The following XIRP2 variants were observed in gnomAD, a reference collection of about 807,000 sequenced individuals.
The protein encoded by XIRP2 is xin actin-binding repeat-containing protein 2.
A neutral mutation model predicts 277.0 loss-of-function variants in XIRP2; 236 were observed. The ratio of observed to expected loss-of-function variants is 0.85; its 90% CI spans 0.77 to 0.95. XIRP2 has a LOEUF of 0.95. Among genes scored for constraint, XIRP2 ranks in the 40% least tolerant of loss-of-function variants. XIRP2 has a pLI of 0.00. For synonymous variants in XIRP2, 1,490 were observed against 1,416.5 expected, an observed-to-expected ratio of 1.05 and a Z score of -1.17; for missense variants, 4,640 against 4,157.5, an observed-to-expected ratio of 1.12 and a Z score of -3.19.
At chr2:166,927,800 G>A (rs983368091) in intron 2 of XIRP2, among the ~76,000 whole-genome samples, 6 of 152,182 alleles carry the variant, frequency 3.9e-5, no homozygotes, top group Non-Finnish European at 7.4e-5. Flanking sequence ...TGTGTGTGTG[G>A]GGGGATGGAG....
At chr2:167,148,147 C>G (rs751895551) in intron 3 of XIRP2, among the ~76,000 whole-genome samples, 1 of 151,954 alleles carries the variant, frequency 6.6e-6, no homozygotes, top group Middle Eastern at 3.4e-3. Context: ...TTTGGGAGGT[C>G]GAGGCAGGTG....
Position 167,258,817 on chromosome 2 carries a change from A to G in XIRP2, c.*1000A>G. On this transcript the variant is annotated 3_prime_UTR_variant, in exon 11 of 11. Transcript: ENST00000409195. The stretch of plus-strand genomic sequence containing the variant: ...TTGAGAAGTTAGAAAATACATCTAG[A>G]ATCTCAGAGTTACTTGGTATATTTG... The G allele has an allele frequency of 6.2e-7, 1 of 1,613,178 alleles. No homozygotes were observed. Among genetic ancestry groups the G allele is most frequent in the Non-Finnish European group, 8.5e-7 (1 of 1,179,584 alleles).
At chr2:167,225,849 C>CT (rs1169968602) in intron 5 of XIRP2, among the ~76,000 whole-genome samples, 1 of 152,138 alleles carries the variant, frequency 6.6e-6, no homozygotes, top group Non-Finnish European at 1.5e-5. Flanking sequence ...CTCTACAGCT[C>CT]TTTCTTGGTG....
chr2:167,129,620 C>T (rs546698973), intron 2 of XIRP2, among the ~76,000 whole-genome samples: 65 of 151,962 alleles, frequency 4.3e-4, no homozygotes, highest in Non-Finnish European at 7.4e-4. Context: ...CCTGTAATCC[C>T]AGCACTTTGG....
At chr2:166,905,285 A>G (rs1339403691) in intron 2 of XIRP2, among the ~76,000 whole-genome samples, 1 of 151,974 alleles carries the variant, frequency 6.6e-6, no homozygotes, top group Non-Finnish European at 1.5e-5. Context: ...CTTTACTGTA[A>G]TAATTTTGAA....
In XIRP2 at chr2:167,245,503, A is replaced by G. The variant is rs745340045; in HGVS notation, c.4111A>G (p.Ile1371Val). ...TAATAAATCAGAAACTGTGTATGTT[A>G]TTAAATCTGTCACACAAGAAGACAT... ...SINKSETVYV[I>V]KSVTQEDIQK... is the part of the protein sequence containing the mutation. Residue 1371 changes from isoleucine to valine, a missense_variant, in exon 9 of 11, where the codon ATT becomes GTT. By Grantham distance (29) the Ile-to-Val change is conservative. Coordinates refer to ENST00000409195, the MANE Select transcript of XIRP2 (RefSeq NM_152381.6). The G allele has an allele frequency of 1.1e-5, 18 of 1,613,530 alleles. No homozygotes were observed. The highest frequency in any genetic ancestry group is 5.0e-5 in the Admixed American group (3 of 59,972).
At chr2:167,173,934 T>C (rs180950647) in intron 3 of XIRP2, among the ~76,000 whole-genome samples, 433 of 152,336 alleles carry the variant, frequency 2.8e-3, no homozygotes, top group African/African-American at 9.4e-3. Context: ...AACCATATGT[T>C]GAACTGGCCT....
rs370681337 is a variant in XIRP2, at chr2:167,082,214, C to T, written c.409-53695C>T. 5.5e-4 allele frequency among the ~76,000 whole-genome samples: 83 copies of T among 151,568 alleles called. No homozygotes were observed. The East Asian group carries it at 6.8e-3, about 12-fold the overall frequency. ...TGCGGTGTTTGGTTTTTTGTTCTTGCGATAGTTTACTGAGAATGATGCTTT... is the reference window on the plus strand; with the variant it reads ...TGCGGTGTTTGGTTTTTTGTTCTTGTGATAGTTTACTGAGAATGATGCTTT... On this transcript the variant is annotated intron_variant, in intron 2 of 10. Coordinates refer to ENST00000409195, the MANE Select transcript of XIRP2 (RefSeq NM_152381.6).
chr2:166,903,336 T>A, intron 1 of XIRP2, 129 bp from the exon 2 acceptor site: 1 of 835,572 alleles, frequency 1.2e-6, no homozygotes, highest in Non-Finnish European at 1.8e-6. Context: ...TGTGTGGAAT[T>A]GTATAGGAAA....
chr2:167,091,299 C>T (rs1690140284), intron 2 of XIRP2, among the ~76,000 whole-genome samples: 1 of 152,018 alleles, frequency 6.6e-6, no homozygotes, highest in South Asian at 2.1e-4. Flanking sequence ...TTCTTTCTCC[C>T]CTGCCACTTC....
intron 2 of XIRP2, among the ~76,000 whole-genome samples, chr2:167,080,060 C>CA (rs202178834): frequency 1.5e-3 from 231 of 150,672 alleles, no homozygotes; most frequent in Non-Finnish European, 2.6e-3. Flanking sequence ...TGTTGGTGTC[C>CA]AAAAAAAAGA....
chr2:167,215,844 C>A (rs1009178784), intron 4 of XIRP2, among the ~76,000 whole-genome samples: 1 of 152,172 alleles, frequency 6.6e-6, no homozygotes, highest in Non-Finnish European at 1.5e-5. Flanking sequence ...ACCAATGCAC[C>A]TGAGCTACTT....
intron 2 of XIRP2, among the ~76,000 whole-genome samples, chr2:167,106,642 T>C (rs1301443351): frequency 6.6e-6 from 1 of 151,690 alleles, no homozygotes; most frequent in Non-Finnish European, 1.5e-5. Context: ...TACTTTATTT[T>C]TTACAAAAAA....
chr2:166,963,948 T>C (rs1273701578), intron 2 of XIRP2, among the ~76,000 whole-genome samples: 1 of 151,634 alleles, frequency 6.6e-6, no homozygotes, highest in Non-Finnish European at 1.5e-5. Flanking sequence ...GGTGAAGACA[T>C]GGTGTGTTCT....
chr2:167,052,790 A>G (rs1484916875), intron 2 of XIRP2, among the ~76,000 whole-genome samples: 1 of 152,148 alleles, frequency 6.6e-6, no homozygotes, highest in African/African-American at 2.4e-5. Flanking sequence ...CAAAAGACAA[A>G]ATCATTGTTT....
chr2:167,194,411 T>C (rs879815198), intron 3 of XIRP2, among the ~76,000 whole-genome samples: 12 of 152,162 alleles, frequency 7.9e-5, no homozygotes, highest in Non-Finnish European at 1.6e-4. Flanking sequence ...TCCTTAAAAT[T>C]AGAAAAATTT....
chr2:167,108,227 T>G (rs112957036), intron 2 of XIRP2, among the ~76,000 whole-genome samples: 9 of 152,086 alleles, frequency 5.9e-5, no homozygotes, highest in African/African-American at 2.2e-4. Context: ...AGTAATTTTG[T>G]GTCATCTCTC....
chr2:167,112,022 T>A (rs1690770863), intron 2 of XIRP2, among the ~76,000 whole-genome samples: 1 of 152,170 alleles, frequency 6.6e-6, no homozygotes, highest in Admixed American at 6.5e-5. Flanking sequence ...CCTTTGTTAT[T>A]TCTAATTGTG....
chr2:167,064,687 CA>C (rs1369942456), intron 2 of XIRP2, among the ~76,000 whole-genome samples: 2 of 151,954 alleles, frequency 1.3e-5, no homozygotes, highest in African/African-American at 4.8e-5. Flanking sequence ...TGCCTCTTGA[CA>C]ACCACCAATC....
Sources: allele counts gnomAD v4.1 joint callset (sites outside exome capture counted in the v4.1 genomes callset), GRCh38; gene constraint gnomAD v4.1.1; transcripts MANE v1.5; gene names NCBI Gene and HGNC (gene_info 2026-07-23, HGNC 2026-07-21).